The following NLN variants were observed in gnomAD, a reference collection of about 807,000 sequenced individuals.
NLN encodes the protein neurolysin, mitochondrial.
Under a neutral mutation model 79.9 loss-of-function variants are expected in NLN, and 64 were observed. The observed-to-expected ratio is 0.80, with a 90% confidence interval of 0.65 to 0.99. The LOEUF is 0.99. NLN is among the 50% of genes least tolerant of loss of function. NLN has a pLI of 0.00. For synonymous variants in NLN, 267 were observed against 296.6 expected (o/e 0.90, Z 1.02); for missense variants, 835 against 858.7 (o/e 0.97, Z 0.34).
chr5:65,813,551 A>T (rs2150775716), intron 12 of NLN, among the ~76,000 whole-genome samples: 1 of 152,102 alleles, frequency 6.6e-6, no homozygotes, highest in East Asian at 1.9e-4. Context: ...GTCCAACTCC[A>T]TTCCCCTTAT....
At chr5:65,759,611 A>T (rs914614481) in intron 2 of NLN, among the ~76,000 whole-genome samples, 4 of 152,140 alleles carry the variant, frequency 2.6e-5, no homozygotes, top group Non-Finnish European at 5.9e-5. Flanking sequence ...AGAGGCCCAG[A>T]AGAACCAGTA....
At chr5:65,775,055 G>A (rs1055943190) in intron 3 of NLN, among the ~76,000 whole-genome samples, 5 of 151,952 alleles carry the variant, frequency 3.3e-5, no homozygotes, top group South Asian at 2.1e-4. Context: ...ACCTAATTCC[G>A]GGCTGATTTT....
intron 9 of NLN, among the ~76,000 whole-genome samples, chr5:65,805,744 T>C (rs1392081384): frequency 6.6e-6 from 1 of 152,242 alleles, no homozygotes; most frequent in Admixed American, 6.5e-5. Context: ...CATTGATGAA[T>C]GTGGCTACAC....
intron 12 of NLN, among the ~76,000 whole-genome samples, chr5:65,820,563 G>A (rs1337655439): frequency 1.3e-5 from 2 of 152,134 alleles, no homozygotes; most frequent in African/African-American, 4.8e-5. Context: ...AGGAAGGGAA[G>A]GGAGGTAAAT....
At chr5:65,783,662 C>A (rs1759852974) in intron 6 of NLN, among the ~76,000 whole-genome samples, 2 of 150,152 alleles carry the variant, frequency 1.3e-5, no homozygotes, top group East Asian at 3.9e-4. Flanking sequence ...GAGTTCAAGA[C>A]CAGCCTCAGC....
intron 12 of NLN, among the ~76,000 whole-genome samples, 172 bp downstream of exon 12, chr5:65,812,563 C>CAAGT (rs1760577872): frequency 6.6e-6 from 1 of 152,076 alleles, no homozygotes; most frequent in Non-Finnish European, 1.5e-5. Context: ...TTGCAGTATA[C>CAAGT]AAGTGATTAA....
intron 9 of NLN, among the ~76,000 whole-genome samples, chr5:65,805,478 T>C (rs560081731): frequency 2.0e-5 from 3 of 152,258 alleles, no homozygotes; most frequent in African/African-American, 7.2e-5. Flanking sequence ...TGGAGAAAGT[T>C]TTAGTGGTCT....
intron 1 of NLN, among the ~76,000 whole-genome samples, chr5:65,745,791 C>G (rs1758964002): frequency 6.6e-6 from 1 of 152,114 alleles, no homozygotes; most frequent in Non-Finnish European, 1.5e-5. Context: ...AAGGGAGTGT[C>G]ATGATCAGAT....
intron 2 of NLN, among the ~76,000 whole-genome samples, chr5:65,761,613 T>C (rs1759342604): frequency 6.6e-6 from 1 of 152,196 alleles, no homozygotes; most frequent in South Asian, 2.1e-4. Context: ...AGTAAACATA[T>C]TGCAACCATA....
At chr5:65,774,977 G>A (rs540260920) in intron 3 of NLN, among the ~76,000 whole-genome samples, 19 of 151,902 alleles carry the variant, frequency 1.3e-4, no homozygotes, top group East Asian at 9.7e-4. Context: ...CGTCCAATTC[G>A]GCCTCCCAAT....
chr5:65,775,824 T>C (rs1295636462), intron 3 of NLN, among the ~76,000 whole-genome samples: 2 of 152,230 alleles, frequency 1.3e-5, no homozygotes, highest in Non-Finnish European at 2.9e-5. Flanking sequence ...ACTCCAGTCA[T>C]GCCAGCATGC....
intron 9 of NLN, among the ~76,000 whole-genome samples, chr5:65,805,023 T>C (rs372090314): frequency 1.3e-5 from 2 of 152,362 alleles, no homozygotes; most frequent in East Asian, 3.9e-4. Flanking sequence ...TTTTCCATTA[T>C]TTTTATATCT....
At chr5:65,760,026 A>G (rs373496410) in intron 2 of NLN, among the ~76,000 whole-genome samples, 1 of 152,200 alleles carries the variant, frequency 6.6e-6, no homozygotes, top group African/African-American at 2.4e-5. Flanking sequence ...CAGGCTTCAT[A>G]CAAGAATATA....
chr5:65,821,109 G>C (rs1008098276), intron 12 of NLN, among the ~76,000 whole-genome samples: 6 of 151,872 alleles, frequency 4.0e-5, no homozygotes, highest in African/African-American at 1.2e-4. Flanking sequence ...GGGCAGGAAT[G>C]GGGGGCGGAA....
At chr5:65,725,332 G>C (rs914734409) in intron 1 of NLN, among the ~76,000 whole-genome samples, 2 of 152,128 alleles carry the variant, frequency 1.3e-5, no homozygotes, top group African/African-American at 4.8e-5. Flanking sequence ...TTGACAAATC[G>C]TAGCTTTTTA....
At chr5:65,723,967 T>G (rs886571335) in intron 1 of NLN, among the ~76,000 whole-genome samples, 4 of 152,018 alleles carry the variant, frequency 2.6e-5, no homozygotes, top group African/African-American at 9.7e-5. Flanking sequence ...GGAAAAAAAT[T>G]AAAGTAGTTG....
At chr5:65,786,876 A>G (rs749840426) in intron 7 of NLN, among the ~76,000 whole-genome samples, 25 of 152,068 alleles carry the variant, frequency 1.6e-4, no homozygotes, top group Admixed American at 3.3e-4. Flanking sequence ...AATAAAAATA[A>G]TTTTTTAAAA....
intron 3 of NLN, among the ~76,000 whole-genome samples, chr5:65,770,324 A>G (rs1466177926): frequency 6.6e-6 from 1 of 152,244 alleles, no homozygotes; most frequent in Non-Finnish European, 1.5e-5. Flanking sequence ...AACTACTACA[A>G]TCAATAACAA....
intron 7 of NLN, among the ~76,000 whole-genome samples, chr5:65,787,129 T>A (rs1759942311): frequency 6.6e-6 from 1 of 152,044 alleles, no homozygotes; most frequent in Non-Finnish European, 1.5e-5. Flanking sequence ...CATATTCCTA[T>A]GCAAAGTGTC....
Sources: allele counts gnomAD v4.1 joint callset (sites outside exome capture counted in the v4.1 genomes callset), GRCh38; gene constraint gnomAD v4.1.1; transcripts MANE v1.5; gene names NCBI Gene and HGNC (gene_info 2026-07-23, HGNC 2026-07-21).